Variants in LHPP observed in about 807,000 individuals in gnomAD.
LHPP encodes the protein hLHPP.
A neutral mutation model predicts 30.3 loss-of-function variants in LHPP; 24 were observed. That is an observed-to-expected ratio of 0.79 (90% CI 0.57 to 1.11). The LOEUF (loss-of-function observed/expected upper bound fraction) is 1.11. Among genes scored for constraint, LHPP ranks in the 50% most tolerant of loss-of-function variants. The pLI, the probability that LHPP is intolerant of heterozygous loss-of-function variation, is 0.00. For missense variants in LHPP, 356 were observed against 367.2 expected, an observed-to-expected ratio of 0.97 and a Z score of 0.25; for synonymous variants, 150 against 157.1, an observed-to-expected ratio of 0.95 and a Z score of 0.34.
At position 124,541,651 on chromosome 10, in the gene LHPP, C is replaced by G. The variant is rs1589846015; in HGVS notation, c.716+24380C>G. Reference sequence around the variant, plus strand: ...TGTCTAGGCAAATGCCTTGGGCACTCGAGGGGGCACTGAGGCCCTGGAGGG... The same window carrying G: ...TGTCTAGGCAAATGCCTTGGGCACTGGAGGGGGCACTGAGGCCCTGGAGGG... On this transcript the variant is annotated intron_variant, in intron 6 of 6. Coordinates refer to ENST00000368842, the MANE Select transcript of LHPP (RefSeq NM_022126.4). The surrounding 1 kb of genome is among the most constrained non-coding windows in gnomAD (Gnocchi z 4.2). Among the ~76,000 whole-genome samples the G allele has an allele frequency of 6.6e-6, 1 of 152,060 alleles. No homozygotes were observed. Among genetic ancestry groups the G allele is most frequent in the Non-Finnish European group, 1.5e-5 (1 of 67,994 alleles).
At chr10:124,575,821 T>C (rs1272166315) in intron 6 of LHPP, among the ~76,000 whole-genome samples, 2 of 151,956 alleles carry the variant, frequency 1.3e-5, no homozygotes, top group African/African-American at 2.4e-5. Flanking sequence ...CCCAAAGGCA[T>C]TGTGCATGTG....
chr10:124,561,724 C>T (rs2133971144), intron 6 of LHPP, among the ~76,000 whole-genome samples: 1 of 151,882 alleles, frequency 6.6e-6, no homozygotes, highest in East Asian at 2.0e-4. Flanking sequence ...CTACCCTCTT[C>T]CCCTGCCTGA....
intron 1 of LHPP, among the ~76,000 whole-genome samples, chr10:124,479,706 T>C (rs773885277): frequency 3.3e-5 from 5 of 152,216 alleles, no homozygotes; most frequent in Non-Finnish European, 7.3e-5. Context: ...TCCTGTCATG[T>C]GGGAGTCCCA....
At chr10:124,567,738 C>A (rs1370243557) in intron 6 of LHPP, among the ~76,000 whole-genome samples, 3 of 152,218 alleles carry the variant, frequency 2.0e-5, no homozygotes, top group Non-Finnish European at 4.4e-5. Flanking sequence ...CACACACATG[C>A]ACACTCATGT....
intron 6 of LHPP, among the ~76,000 whole-genome samples, chr10:124,578,304 C>T (rs1348357822): frequency 6.6e-6 from 1 of 152,220 alleles, no homozygotes; most frequent in East Asian, 1.9e-4. Context: ...CCGTGACCAC[C>T]TCAGGGGCGG....
intron 1 of LHPP, among the ~76,000 whole-genome samples, chr10:124,463,817 TTTC>T (rs1442995919): frequency 9.1e-6 from 1 of 110,004 alleles, no homozygotes; most frequent in South Asian, 3.1e-4. Context: ...CTAATTTTTT[TTTC>T]TTTTTTTTTT....
intron 6 of LHPP, among the ~76,000 whole-genome samples, chr10:124,587,319 G>A (rs1294351451): frequency 2.0e-5 from 3 of 151,686 alleles, no homozygotes; most frequent in Admixed American, 1.3e-4. Flanking sequence ...GCAAGCATAA[G>A]CCACCGCGCC....
chr10:124,526,144 C>G, intron 6 of LHPP: 1 of 984,326 alleles, frequency 1.0e-6, no homozygotes, highest in Non-Finnish European at 1.2e-6. Context: ...CCTCTCTTCT[C>G]CCTAGAGCCG....
intron 6 of LHPP, among the ~76,000 whole-genome samples, chr10:124,610,402 T>G (rs908363845): frequency 1.4e-5 from 2 of 145,196 alleles, no homozygotes; most frequent in East Asian, 2.1e-4. Flanking sequence ...GTGAGGGTGC[T>G]GGTGGAGCGG....
chr10:124,509,105 A>C (rs536656880), intron 5 of LHPP, among the ~76,000 whole-genome samples: 1 of 152,198 alleles, frequency 6.6e-6, no homozygotes, highest in African/African-American at 2.4e-5. Context: ...GCCCCCACTT[A>C]TAAGTGCAAA....
At chr10:124,598,120 T>C (rs1218753418) in intron 6 of LHPP, among the ~76,000 whole-genome samples, 2 of 152,190 alleles carry the variant, frequency 1.3e-5, no homozygotes, top group Non-Finnish European at 2.9e-5. Context: ...CAGTGGCACC[T>C]ACCTCCCCGG....
chr10:124,553,616 G>A (rs574343439), intron 6 of LHPP, among the ~76,000 whole-genome samples: 4 of 152,074 alleles, frequency 2.6e-5, no homozygotes, highest in Middle Eastern at 3.4e-3. Context: ...CCGCCACCAC[G>A]CCTGGCTAAT....
chr10:124,579,372 C>T (rs1243217766), intron 6 of LHPP, among the ~76,000 whole-genome samples: 2 of 152,234 alleles, frequency 1.3e-5, no homozygotes, highest in Non-Finnish European at 2.9e-5. Flanking sequence ...GGAAAACTTA[C>T]ATAGCACCTA....
chr10:124,569,462 C>A (rs1026291035), intron 6 of LHPP, among the ~76,000 whole-genome samples: 1 of 152,094 alleles, frequency 6.6e-6, no homozygotes, highest in Non-Finnish European at 1.5e-5. Flanking sequence ...TGAGTTCTGT[C>A]GCGGAAAGTC....
intron 1 of LHPP, among the ~76,000 whole-genome samples, chr10:124,467,728 G>GTTGTTGTTA (rs1400064688): frequency 2.7e-5 from 4 of 148,972 alleles, no homozygotes; most frequent in Non-Finnish European, 6.0e-5. Context: ...TGTTGTTGTT[G>GTTGTTGTTA]TTGTTTTGAG....
chr10:124,518,855 G>A (rs923783855), intron 6 of LHPP, among the ~76,000 whole-genome samples: 7 of 152,214 alleles, frequency 4.6e-5, no homozygotes, highest in African/African-American at 1.4e-4. Context: ...TTCAGATTCC[G>A]GTTACCTGCA....
chr10:124,497,137 G>T lies in LHPP; in HGVS notation c.531+113G>T, dbSNP rs539219125. The T allele has an allele frequency of 1.6e-4, 142 of 899,070 alleles. 1 individual carries two copies. The South Asian group carries it at 2.0e-3, about 13-fold the overall frequency. 55.7% of individuals were successfully genotyped at this position (899,070 alleles called of 1,614,324 possible). On this transcript the variant is annotated intron_variant, in intron 4 of 6. Transcript: ENST00000368842. ...AATTAACGTACAAATGGCCTTTTGG[G>T]CTTCCACAAAGGCTGCCTTCCTATT...
chr10:124,508,541 T>A (rs980465646), intron 5 of LHPP, among the ~76,000 whole-genome samples: 1 of 152,020 alleles, frequency 6.6e-6, no homozygotes, highest in Non-Finnish European at 1.5e-5. Context: ...TAAGGTGCTC[T>A]GAGACCTCAT....
intron 6 of LHPP, among the ~76,000 whole-genome samples, chr10:124,535,689 C>A (rs1955005396): frequency 6.6e-6 from 1 of 152,028 alleles, no homozygotes; most frequent in African/African-American, 2.4e-5. Flanking sequence ...ATTAGCTTGG[C>A]GTGAGCCGCC....
Sources: allele counts gnomAD v4.1 joint callset (sites outside exome capture counted in the v4.1 genomes callset), GRCh38; gene constraint gnomAD v4.1.1; non-coding constraint Gnocchi (gnomAD v3.1); transcripts MANE v1.5; gene names NCBI Gene and HGNC (gene_info 2026-07-23, HGNC 2026-07-21).